KCNK10: variants seen among roughly 807,000 people sequenced by gnomAD.
KCNK10 encodes potassium channel subfamily K member 10.
KCNK10 carries 25 observed loss-of-function variants against 47.7 expected under a neutral mutation model. That is an observed-to-expected ratio of 0.52 (90% CI 0.38 to 0.73). The LOEUF is 0.73. Among genes scored for constraint, KCNK10 ranks in the 30% least tolerant of loss-of-function variants. The pLI is 0.00. For synonymous variants in KCNK10, 303 were observed against 285.6 expected (o/e 1.06, Z -0.61); for missense variants, 563 against 714.5 (o/e 0.79, Z 2.42).
intron 3 of KCNK10, among the ~76,000 whole-genome samples, chr14:88,234,039 G>A (rs892917384): frequency 6.6e-6 from 1 of 152,146 alleles, no homozygotes; most frequent in African/African-American, 2.4e-5. Flanking sequence ...CTTTTTCCCA[G>A]GTTAACAATC....
chr14:88,294,814 G>A (rs1488685295), intron 1 of KCNK10, among the ~76,000 whole-genome samples: 2 of 152,088 alleles, frequency 1.3e-5, no homozygotes, highest in South Asian at 4.2e-4. Context: ...TCAAGGGCAC[G>A]GTCCCAACCT....
chr14:88,308,183 G>A (rs961349759), intron 1 of KCNK10, among the ~76,000 whole-genome samples: 3 of 152,090 alleles, frequency 2.0e-5, no homozygotes, highest in Admixed American at 6.5e-5. Context: ...TCACTAGGAC[G>A]AGCTTAAAAC....
chr14:88,235,119 T>C (rs572225895), intron 3 of KCNK10: 1 of 456,478 alleles, frequency 2.2e-6, no homozygotes, highest in South Asian at 1.5e-5. Flanking sequence ...AGGACAGAAA[T>C]AATACAGAAG....
At chr14:88,243,569 T>A (rs1015904345) in intron 2 of KCNK10, among the ~76,000 whole-genome samples, 2 of 152,230 alleles carry the variant, frequency 1.3e-5, no homozygotes, top group Admixed American at 6.5e-5. Context: ...AGAGATCATT[T>A]CTAATTAGAC....
At chr14:88,241,450 A>T (rs1259619385) in intron 2 of KCNK10, among the ~76,000 whole-genome samples, 2 of 152,156 alleles carry the variant, frequency 1.3e-5, no homozygotes, top group African/African-American at 4.8e-5. Context: ...GTTAGGGTTT[A>T]CCAAACAGTA....
intron 1 of KCNK10, among the ~76,000 whole-genome samples, chr14:88,271,847 T>C (rs147373079): frequency 1.3e-5 from 2 of 152,116 alleles, no homozygotes; most frequent in East Asian, 3.9e-4. Flanking sequence ...AGTGACTTCC[T>C]TCTCGGGACT....
intron 4 of KCNK10, among the ~76,000 whole-genome samples, chr14:88,218,707 C>T (rs1885702841): frequency 6.6e-6 from 1 of 152,008 alleles, no homozygotes; most frequent in Admixed American, 6.5e-5. Context: ...AGAATCAGTC[C>T]AGAATTTGAC....
At chr14:88,320,520 C>T (rs942022194) in intron 1 of KCNK10, among the ~76,000 whole-genome samples, 8 of 152,164 alleles carry the variant, frequency 5.3e-5, no homozygotes, top group African/African-American at 1.9e-4. Flanking sequence ...CTAACACACC[C>T]CTTGGATGGC....
At chr14:88,187,735 A>G (rs1011300889) in intron 6 of KCNK10, among the ~76,000 whole-genome samples, 10 of 151,952 alleles carry the variant, frequency 6.6e-5, no homozygotes, top group African/African-American at 2.4e-4. Flanking sequence ...ATGGGCTGGT[A>G]AACGAATCAC....
intron 3 of KCNK10, among the ~76,000 whole-genome samples, chr14:88,234,686 G>A (rs1354087215): frequency 6.6e-6 from 1 of 152,204 alleles, no homozygotes; most frequent in Non-Finnish European, 1.5e-5. Context: ...CTCAATGCCT[G>A]TCCCTCATTG....
intron 2 of KCNK10, among the ~76,000 whole-genome samples, chr14:88,254,437 C>T (rs1595107393): frequency 6.6e-6 from 1 of 152,160 alleles, no homozygotes; most frequent in African/African-American, 2.4e-5. Flanking sequence ...AAATGGCAGC[C>T]ATGGGACCAC....
chr14:88,247,251 T>C (rs767743684), intron 2 of KCNK10, among the ~76,000 whole-genome samples: 6 of 151,938 alleles, frequency 3.9e-5, no homozygotes, highest in Non-Finnish European at 7.4e-5. Context: ...CTACCTGCAA[T>C]AGGACGAAGG....
At chr14:88,258,609 C>T (rs922715200) in intron 2 of KCNK10, among the ~76,000 whole-genome samples, 1 of 152,162 alleles carries the variant, frequency 6.6e-6, no homozygotes, top group Non-Finnish European at 1.5e-5. Context: ...CTTTCTCTCC[C>T]CAACACCTGG....
intron 2 of KCNK10, among the ~76,000 whole-genome samples, chr14:88,261,898 A>G (rs963190593): frequency 1.3e-5 from 2 of 152,200 alleles, no homozygotes; most frequent in Admixed American, 6.5e-5. Flanking sequence ...CTATGAAATC[A>G]TATTTACTCC....
intron 1 of KCNK10, among the ~76,000 whole-genome samples, chr14:88,266,447 T>C (rs866542278): frequency 6.6e-6 from 1 of 152,202 alleles, no homozygotes; most frequent in Non-Finnish European, 1.5e-5. Flanking sequence ...TCCTGGGCTC[T>C]TCCAGGCAGG....
At chr14:88,248,936 T>G (rs1004227853) in intron 2 of KCNK10, among the ~76,000 whole-genome samples, 4 of 152,198 alleles carry the variant, frequency 2.6e-5, no homozygotes, top group African/African-American at 9.6e-5. Flanking sequence ...CTTATTATCC[T>G]ATTTAGTCCT....
intron 3 of KCNK10, among the ~76,000 whole-genome samples, chr14:88,229,368 TTCTCCTTAGACCCACTTAACA>T (rs919824303): frequency 1.3e-5 from 2 of 152,124 alleles, no homozygotes; most frequent in African/African-American, 4.8e-5. Context: ...CACTACCTGG[TTCTCCTTAGACCCACTTAACA>T]TCTGCAAATC....
chr14:88,196,481 C>G (rs1566680907), intron 4 of KCNK10, among the ~76,000 whole-genome samples: 1 of 152,140 alleles, frequency 6.6e-6, no homozygotes, highest in Non-Finnish European at 1.5e-5. Flanking sequence ...TGTATATTTC[C>G]ATTCATTTGT....
At chr14:88,305,549 A>C (rs1888187501) in intron 1 of KCNK10, among the ~76,000 whole-genome samples, 1 of 152,174 alleles carries the variant, frequency 6.6e-6, no homozygotes, top group Non-Finnish European at 1.5e-5. Flanking sequence ...GTGTCTCCTG[A>C]GAGCCATTAG....
Sources: gnomAD v4.1 joint callset for allele counts (sites outside exome capture counted in the v4.1 genomes callset) on GRCh38, gnomAD v4.1.1 for gene constraint, MANE v1.5 for transcripts, NCBI Gene and HGNC (gene_info 2026-07-23, HGNC 2026-07-21) for gene names.